Variants in DDHD1 observed in about 807,000 individuals in gnomAD.
The protein encoded by DDHD1 is DDHD domain containing 1.
DDHD1 carries 49 observed loss-of-function variants against 96.4 expected under a neutral mutation model. The ratio of observed to expected loss-of-function variants is 0.51; its 90% CI spans 0.40 to 0.64. The LOEUF (loss-of-function observed/expected upper bound fraction) is 0.64, where lower values mean the gene tolerates loss of function less well. Among genes scored for constraint, DDHD1 ranks in the 30% least tolerant of loss-of-function variants. The pLI is 0.00. For synonymous variants in DDHD1, 442 were observed against 446.5 expected (o/e 0.99, Z 0.13); for missense variants, 1,106 against 1,161.2 (o/e 0.95, Z 0.69).
At chr14:53,050,301 G>T (rs1022211389) in intron 12 of DDHD1, among the ~76,000 whole-genome samples, 1 of 152,130 alleles carries the variant, frequency 6.6e-6, no homozygotes, top group Non-Finnish European at 1.5e-5. Flanking sequence ...GAAAAATCAG[G>T]AACGATTAAA....
intron 2 of DDHD1, 159 bp downstream of exon 2, chr14:53,103,524 A>G: frequency 1.8e-6 from 1 of 570,190 alleles, no homozygotes; most frequent in Non-Finnish European, 2.9e-6. Flanking sequence ...TATTTATAGT[A>G]GTTAATTTTT....
At chr14:53,149,282 A>G (rs904688309) in intron 1 of DDHD1, among the ~76,000 whole-genome samples, 6 of 152,242 alleles carry the variant, frequency 3.9e-5, no homozygotes, top group African/African-American at 1.4e-4. Context: ...TTAGGCCACA[A>G]AAATCTAAAT....
chr14:53,121,602 T>TA (rs1055580878), intron 1 of DDHD1, among the ~76,000 whole-genome samples: 7 of 152,164 alleles, frequency 4.6e-5, no homozygotes, highest in African/African-American at 1.4e-4. Context: ...TATGCAGCCA[T>TA]AAAAAAGGAT....
rs1398101089 is a variant in DDHD1, at chr14:53,046,954, A to C, written c.2522-5T>G. Reference sequence around the variant, plus strand: ...CAATCCTGTGATCCAACTCCACTAAAAAGAAAAGAAGTTAAACAAATGAAT... The same window carrying C: ...CAATCCTGTGATCCAACTCCACTAACAAGAAAAGAAGTTAAACAAATGAAT... On this transcript the variant is annotated splice_polypyrimidine_tract_variant and splice_region_variant and intron_variant, in intron 12 of 12. Transcript: ENST00000673822. 6.3e-7 allele frequency: 1 copy of C among 1,596,960 alleles called. No individual in the cohort carries two copies. Among genetic ancestry groups the C allele is most frequent in the East Asian group, 2.3e-5 (1 of 44,332 alleles).
At chr14:53,094,175 T>TAA (rs879555584) in intron 2 of DDHD1, among the ~76,000 whole-genome samples, 5 of 130,058 alleles carry the variant, frequency 3.8e-5, no homozygotes, top group Admixed American at 2.4e-4. Context: ...AGACTCCGTC[T>TAA]AAAAAAAAAA....
chr14:53,112,799 T>C (rs889295206), intron 1 of DDHD1, among the ~76,000 whole-genome samples: 3 of 152,226 alleles, frequency 2.0e-5, no homozygotes, highest in Non-Finnish European at 4.4e-5. Context: ...AAGACAATGG[T>C]AGACGTTCTT....
chr14:53,060,768 C>T (rs1883479381), intron 8 of DDHD1, among the ~76,000 whole-genome samples: 1 of 152,162 alleles, frequency 6.6e-6, no homozygotes, highest in South Asian at 2.1e-4. Flanking sequence ...AACAGAATAG[C>T]ATCTCTCCTT....
chr14:53,139,021 G>C (rs1890441339), intron 1 of DDHD1, among the ~76,000 whole-genome samples: 1 of 150,980 alleles, frequency 6.6e-6, no homozygotes, highest in Non-Finnish European at 1.5e-5. Flanking sequence ...TTAAGCTGCT[G>C]CTAGAAAAGC....
chr14:53,114,932 C>G (rs978552443), intron 1 of DDHD1, among the ~76,000 whole-genome samples: 1 of 152,122 alleles, frequency 6.6e-6, no homozygotes, highest in African/African-American at 2.4e-5. Context: ...CTCCTCTGAG[C>G]TAAAGGAGCA....
At chr14:53,108,937 T>TTG (rs1887901891) in intron 1 of DDHD1, among the ~76,000 whole-genome samples, 1 of 152,230 alleles carries the variant, frequency 6.6e-6, no homozygotes, top group Non-Finnish European at 1.5e-5. Flanking sequence ...CTGAAACACT[T>TTG]TCTTTCAAAT....
At chr14:53,134,876 C>A (rs1376056056) in intron 1 of DDHD1, among the ~76,000 whole-genome samples, 1 of 152,112 alleles carries the variant, frequency 6.6e-6, no homozygotes, top group Non-Finnish European at 1.5e-5. Flanking sequence ...TGCATCCAGG[C>A]CATCACCAAT....
chr14:53,123,380 T>C (rs555732364), intron 1 of DDHD1, among the ~76,000 whole-genome samples: 26 of 151,950 alleles, frequency 1.7e-4, no homozygotes, highest in African/African-American at 6.3e-4. Flanking sequence ...ACTGCTGACC[T>C]TAGGTGATCC....
intron 4 of DDHD1, among the ~76,000 whole-genome samples, chr14:53,088,534 G>A (rs4901340): frequency 0.55 from 83,593 of 151,948 alleles, 24,990 homozygotes; most frequent in South Asian, 0.68. Context: ...ATCAATAAAC[G>A]TAATCCATCA....
At position 53,153,155 on chromosome 14, in the gene DDHD1, T is replaced by G; in HGVS notation, c.-57A>C. On this transcript the variant is annotated 5_prime_UTR_variant, in exon 1 of 13. Transcript: ENST00000673822. Reference sequence around the variant, plus strand: ...GCGCGGAGCCGTGACCCCCAGCGCTTCCGCCACACATTCAACGCCGCCGCC... The same window carrying G: ...GCGCGGAGCCGTGACCCCCAGCGCTGCCGCCACACATTCAACGCCGCCGCC... The G allele has an allele frequency of 1.6e-6, 2 of 1,274,834 alleles. No individual in the cohort carries two copies. Among genetic ancestry groups the G allele is most frequent in the Non-Finnish European group, 2.0e-6 (2 of 991,632 alleles). The allele number at this position is 1,274,834 out of a possible 1,614,324, so 79.0% of individuals were successfully genotyped here. A position where few individuals can be genotyped will look rare whatever the true frequency, so the allele number is the denominator to read the frequency against.
intron 1 of DDHD1, among the ~76,000 whole-genome samples, chr14:53,119,008 TCAAC>T (rs1277205452): frequency 6.6e-6 from 1 of 152,128 alleles, no homozygotes; most frequent in Non-Finnish European, 1.5e-5. Context: ...GGGCCAATAT[TCAAC>T]ATTCTTAAAG....
At chr14:53,048,708 T>C (rs374133933) in intron 12 of DDHD1, 4 of 152,214 alleles carry the variant, frequency 2.6e-5, no homozygotes, top group African/African-American at 4.8e-5. Flanking sequence ...CTGAAATCCA[T>C]GTGGACTGGT....
At chr14:53,062,916 A>T (rs1405032831) in intron 7 of DDHD1, 27 bp downstream of exon 7, 35 of 1,600,634 alleles carry the variant, frequency 2.2e-5, no homozygotes, top group African/African-American at 9.4e-5. Flanking sequence ...ACATTTAAAA[A>T]TTTTTCAAAA....
Position 53,132,824 on chromosome 14 carries a change from C to T in DDHD1, c.838+19437G>A, listed in dbSNP as rs186321131. 2.7e-3 allele frequency among the ~76,000 whole-genome samples: 405 copies of T among 152,336 alleles called. 8 individuals are homozygous for T. Among genetic ancestry groups the T allele is most frequent in the Admixed American group, 0.024 (362 of 15,302 alleles). On this transcript the variant is annotated intron_variant, in intron 1 of 12. Transcript: ENST00000673822. ...AGGCATCACATCCCAGTGCTCAGGG[C>T]AACGCTTCTGCTGATAAGGTAGCTA...
chr14:53,058,648 A>G (rs1883275321), intron 8 of DDHD1, 22 bp from the exon 9 acceptor site: 2 of 1,572,424 alleles, frequency 1.3e-6, no homozygotes, highest in South Asian at 2.4e-5. Flanking sequence ...AAGTCATCTT[A>G]AAGTTTAAAA....
Sources: gnomAD v4.1 joint callset for allele counts (sites outside exome capture counted in the v4.1 genomes callset) on GRCh38, gnomAD v4.1.1 for gene constraint, MANE v1.5 for transcripts, NCBI Gene and HGNC (gene_info 2026-07-23, HGNC 2026-07-21) for gene names.